SCARF1: variants seen among roughly 807,000 people sequenced by gnomAD.
SCARF1 encodes the protein acetyl LDL receptor.
In SCARF1, 49 loss-of-function variants were observed where a neutral mutation model predicts 76.3. That is an observed-to-expected ratio of 0.64 (90% CI 0.51 to 0.81). The LOEUF (loss-of-function observed/expected upper bound fraction) is 0.81, where lower values mean the gene tolerates loss of function less well. Among genes scored for constraint, SCARF1 ranks in the 40% least tolerant of loss-of-function variants. The pLI is 0.00. For missense variants in SCARF1, 1,098 were observed against 1,143.9 expected (o/e 0.96, Z 0.58); for synonymous variants, 495 against 474.6 (o/e 1.04, Z -0.56).
chr17:1,644,030 G>T lies in SCARF1; in HGVS notation c.266-63C>A. 1 of 1,213,016 alleles carries T rather than the reference G, an allele frequency of 8.2e-7. No homozygotes were observed. Among genetic ancestry groups the T allele is most frequent in the Non-Finnish European group, 1.0e-6 (1 of 960,032 alleles). 75.1% of individuals were successfully genotyped at this position (1,213,016 alleles called of 1,614,324 possible). A position where few individuals can be genotyped will look rare whatever the true frequency, so the allele number is the denominator to read the frequency against. On this transcript the variant is annotated intron_variant, in intron 3 of 10. Transcript: ENST00000263071. This position sits in a 1 kb window ranked among gnomAD's most constrained non-coding sequence, Gnocchi z 4.8. ...GGCCGCGCGCAGACCCTTACCCTGC[G>T]TCCCCTTCCTCAAGGAAAAGGGGCG...
chr17:1,645,704 C>T lies in SCARF1; in HGVS notation c.-7G>A. 6.3e-7 allele frequency: 1 copy of T among 1,594,534 alleles called. No individual in the cohort carries two copies. Among genetic ancestry groups the T allele is most frequent in the Non-Finnish European group, 8.5e-7 (1 of 1,173,706 alleles). ...GCAGCAGCCCCAGCCCCATGGCAGG[C>T]AGCTCGGTGGGAGCGCTCGGGTTCG... On this transcript the variant is annotated 5_prime_UTR_variant, in exon 1 of 11. Coordinates refer to ENST00000263071, the MANE Select transcript of SCARF1 (RefSeq NM_003693.4). The surrounding 1 kb of genome is among the most constrained non-coding windows in gnomAD (Gnocchi z 6.3).
rs756649650 is a variant in SCARF1 at position 1,634,857 on chromosome 17, G to A, written c.2394C>T (p.Gly798=). ...RRAQEPVSGC[G]SPEQDPQKQA... ...GCTTCTGGGGATCCTGTTCTGGGGAGCCACAGCCAGAGACTGGCTCCTGGG... is the reference window on the plus strand; with the variant it reads ...GCTTCTGGGGATCCTGTTCTGGGGAACCACAGCCAGAGACTGGCTCCTGGG... Residue 798 remains glycine, a synonymous_variant, in exon 11 of 11, where the codon GGC becomes GGT. Coordinates refer to ENST00000263071, the MANE Select transcript of SCARF1 (RefSeq NM_003693.4). 8.1e-6 allele frequency: 13 copies of A among 1,613,852 alleles called. No individual in the cohort carries two copies. Among genetic ancestry groups the A allele is most frequent in the Non-Finnish European group, 1.1e-5 (13 of 1,179,970 alleles).
chr17:1,637,935 G>A (rs1349826330), intron 8 of SCARF1, among the ~76,000 whole-genome samples: 2 of 152,128 alleles, frequency 1.3e-5, no homozygotes, highest in Admixed American at 6.5e-5. Context: ...TGGGCTCTAT[G>A]CCCTGGGCCA....
At position 1,640,802 on chromosome 17, in the gene SCARF1, A is replaced by G; in HGVS notation, c.792-136T>C. On this transcript the variant is annotated intron_variant, in intron 4 of 10. Transcript: ENST00000263071. This position sits in a 1 kb window ranked among gnomAD's most constrained non-coding sequence, Gnocchi z 4.7. ...GTCCCACCTGGGTCAGGCAGGTTTG[A>G]GCCTCAGTTTCCCCACGTTGTACAA... is the stretch of plus-strand genomic sequence containing the variant. The G allele has an allele frequency of 2.7e-6, 2 of 739,748 alleles. No homozygotes were observed. Among genetic ancestry groups the G allele is most frequent in the South Asian group, 1.7e-5 (1 of 57,984 alleles). 45.8% of individuals were successfully genotyped at this position (739,748 alleles called of 1,614,324 possible).
intron 7 of SCARF1, 24 bp downstream of exon 7, chr17:1,639,615 C>T (rs2151096746): frequency 6.5e-7 from 1 of 1,527,762 alleles, no homozygotes; most frequent in Non-Finnish European, 8.9e-7. Context: ...GGCTACTGCA[C>T]CCCGCAGCCT....
Position 1,643,427 on chromosome 17 carries a change from G to C in SCARF1, c.791+15C>G. On this transcript the variant is annotated intron_variant, in intron 4 of 10. Transcript: ENST00000263071. ...CCGCCCCGCCAGCCCACCTGTCCCC[G>C]CCCCGCCCGCTCACCTGTGTGCGCA... 5.2e-6 allele frequency: 5 copies of C among 954,098 alleles called. No homozygotes were observed. Among genetic ancestry groups the C allele is most frequent in the Non-Finnish European group, 6.2e-6 (5 of 802,714 alleles). 59.1% of individuals were successfully genotyped at this position (954,098 alleles called of 1,614,324 possible).
In SCARF1 at chr17:1,639,692, G is replaced by A. The variant is rs1402551549; in HGVS notation, c.1190C>T (p.Pro397Leu). 3 of 1,590,442 alleles carry A rather than the reference G, an allele frequency of 1.9e-6. No individual in the cohort carries two copies. The highest frequency in any genetic ancestry group is 2.6e-6 in the Non-Finnish European group (3 of 1,169,098). ...AGFHGNNCSV[P>L]CECPEGLCHP... ...GCAGAGTCCCTCTGGGCATTCACAA[G>A]GAACTGAGCAGTTGTTTCCATGGAA... The change falls in exon 7 of 11, where the codon CCT becomes CTT. Residue 397 changes from proline (P) to leucine (L), a missense_variant. Coordinates refer to ENST00000263071, the MANE Select transcript of SCARF1 (RefSeq NM_003693.4).
intron 8 of SCARF1, 137 bp downstream of exon 8, chr17:1,638,669 A>C: frequency 1.1e-4 from 110 of 991,842 alleles, no homozygotes; most frequent in East Asian, 7.1e-4. Flanking sequence ...CGACAAGGCC[A>C]GCCCTCCCCA....
At chr17:1,639,010 A>AGC in intron 7 of SCARF1, 84 bp from the exon 8 acceptor site, 1 of 1,393,196 alleles carries the variant, frequency 7.2e-7, no homozygotes, top group Non-Finnish European at 9.6e-7. Flanking sequence ...TGCTACCCAG[A>AGC]AGCTTCTTCC....
In SCARF1 at chr17:1,640,337, T is replaced by A; in HGVS notation, c.1010+111A>T. 1 of 1,061,172 alleles carries A rather than the reference T, an allele frequency of 9.4e-7. No individual in the cohort carries two copies. Among genetic ancestry groups the A allele is most frequent in the Non-Finnish European group, 1.4e-6 (1 of 734,038 alleles). 65.7% of individuals were successfully genotyped at this position (1,061,172 alleles called of 1,614,324 possible). A position where few individuals can be genotyped will look rare whatever the true frequency, so the allele number is the denominator to read the frequency against. ...CAGTCTTCAACAGGAGGGAGGCCCC[T>A]GGGGCCGCATGAACCTGTGTGTCGG... On this transcript the variant is annotated intron_variant, in intron 5 of 10. Transcript: ENST00000263071. The surrounding 1 kb of genome is among the most constrained non-coding windows in gnomAD (Gnocchi z 4.7).
In SCARF1 at chr17:1,645,640, A is replaced by ACCCCTGAGT. The variant is rs756826396; in HGVS notation, c.49_57dup (p.Thr17_Gly19dup). ...TGCTGCCCTTTGGGGTCCAGCTCGG[A>ACCCCTGAGT]CCCCTGAGTCCCCCGAGTCCAGAGC... On this transcript the variant is annotated inframe_insertion, in exon 1 of 11. Transcript: ENST00000263071. The surrounding 1 kb of genome is among the most constrained non-coding windows in gnomAD (Gnocchi z 6.3). 24 of 1,607,472 alleles carry ACCCCTGAGT rather than the reference A, an allele frequency of 1.5e-5. No individual in the cohort carries two copies. The African/African-American group carries it at 2.6e-4, about 17-fold the overall frequency.
In SCARF1 at chr17:1,644,946, C is replaced by A. The variant is rs767356677; in HGVS notation, c.164-11G>T. ...GCCCCTCACAGATGGCTGAAAGACACCCCACCCAGGTTGGAAAGACGGGAG... is the reference window on the plus strand; with the variant it reads ...GCCCCTCACAGATGGCTGAAAGACAACCCACCCAGGTTGGAAAGACGGGAG... On this transcript the variant is annotated splice_polypyrimidine_tract_variant and intron_variant, in intron 2 of 10. Transcript: ENST00000263071. This position sits in a 1 kb window ranked among gnomAD's most constrained non-coding sequence, Gnocchi z 4.8. 15 of 1,611,450 alleles carry A rather than the reference C, an allele frequency of 9.3e-6. No homozygotes were observed. Among genetic ancestry groups the A allele is most frequent in the Non-Finnish European group, 1.1e-5 (13 of 1,179,168 alleles).
intron 4 of SCARF1, among the ~76,000 whole-genome samples, chr17:1,641,870 C>T (rs1182986174): frequency 6.6e-6 from 1 of 152,120 alleles, no homozygotes; most frequent in African/African-American, 2.4e-5. Flanking sequence ...TACAGGCGCC[C>T]AACACCATGC....
At chr17:1,641,810 C>T (rs1910075453) in intron 4 of SCARF1, among the ~76,000 whole-genome samples, 1 of 152,230 alleles carries the variant, frequency 6.6e-6, no homozygotes, top group African/African-American at 2.4e-5. Flanking sequence ...CAACCTCCGC[C>T]TCCCGGGTTC....
chr17:1,642,710 TTTTTG>T (rs1407440844), intron 4 of SCARF1, among the ~76,000 whole-genome samples: 1 of 152,032 alleles, frequency 6.6e-6, no homozygotes, highest in African/African-American at 2.4e-5. Flanking sequence ...TTTTTAAAAG[TTTTTG>T]TTTTGTTTTG....
At position 1,645,345 on chromosome 17, in the gene SCARF1, C is replaced by T; in HGVS notation, c.102-106G>A. The T allele has an allele frequency of 6.9e-7, 1 of 1,452,374 alleles. No individual in the cohort carries two copies. 90.0% of individuals were successfully genotyped at this position (1,452,374 alleles called of 1,614,324 possible). The stretch of plus-strand genomic sequence containing the variant: ...GCAGTGGGGGAGGCTGCCTTAGCCC[C>T]CTGGGGAGGCCTAATGGATCTTTAC... On this transcript the variant is annotated intron_variant, in intron 1 of 10. Transcript: ENST00000263071. The surrounding 1 kb of genome is among the most constrained non-coding windows in gnomAD (Gnocchi z 6.3).
In SCARF1 at chr17:1,640,416, G is replaced by A. The variant is rs1434026029; in HGVS notation, c.1010+32C>T. ...TGAGCTGAGGGTCCTGGGGGAAGGT[G>A]TACCCCACCCTGAACAGAATGGTGC... On this transcript the variant is annotated intron_variant, in intron 5 of 10. Transcript: ENST00000263071. This position sits in a 1 kb window ranked among gnomAD's most constrained non-coding sequence, Gnocchi z 4.7. 21 of 1,526,026 alleles carry A rather than the reference G, an allele frequency of 1.4e-5. No individual in the cohort carries two copies. Among genetic ancestry groups the A allele is most frequent in the South Asian group, 1.1e-4 (9 of 83,524 alleles). The allele number at this position is 1,526,026 out of a possible 1,614,324, so 94.5% of individuals were successfully genotyped here. A position where few individuals can be genotyped will look rare whatever the true frequency, so the allele number is the denominator to read the frequency against.
chr17:1,645,303 G>A lies in SCARF1; in HGVS notation c.102-64C>T, dbSNP rs1030657155. 5.1e-6 allele frequency: 8 copies of A among 1,584,032 alleles called. No individual in the cohort carries two copies. Among genetic ancestry groups the A allele is most frequent in the Admixed American group, 1.7e-5 (1 of 58,696 alleles). ...GTGCAGCCTGGCCCTGAGGAAGGTG[G>A]ATCACTGTCTCTGGCTGCAGTGGGG... On this transcript the variant is annotated intron_variant, in intron 1 of 10. Coordinates refer to ENST00000263071, the MANE Select transcript of SCARF1 (RefSeq NM_003693.4). This position sits in a 1 kb window ranked among gnomAD's most constrained non-coding sequence, Gnocchi z 6.3.
At position 1,635,631 on chromosome 17, in the gene SCARF1, CAG is replaced by C. The variant is rs766859656; in HGVS notation, c.1634-16_1634-15del. The C allele has an allele frequency of 5.7e-4, 906 of 1,593,924 alleles. 1 individual carries two copies. The highest frequency in any genetic ancestry group is 7.4e-4 in the Non-Finnish European group (870 of 1,176,876). Reference sequence around the variant, plus strand: ...CAGGGACCATCCCTGGCAGAGGAGACAGAAGAGCTTGGCTGGAGCTGAACTGG... The same window carrying C: ...CAGGGACCATCCCTGGCAGAGGAGACAAGAGCTTGGCTGGAGCTGAACTGG... On this transcript the variant is annotated splice_polypyrimidine_tract_variant and intron_variant, in intron 10 of 10. Transcript: ENST00000263071.
Sources: gnomAD v4.1 joint callset for allele counts (sites outside exome capture counted in the v4.1 genomes callset) on GRCh38, gnomAD v4.1.1 for gene constraint, Gnocchi (gnomAD v3.1) non-coding constraint, MANE v1.5 for transcripts, NCBI Gene and HGNC (gene_info 2026-07-23, HGNC 2026-07-21) for gene names.